Variants in RBFOX1 observed in about 807,000 individuals in gnomAD.
RBFOX1 encodes RNA binding protein fox-1 homolog 1.
In RBFOX1, 8 loss-of-function variants were observed where a neutral mutation model predicts 57.7. The observed-to-expected ratio is 0.14, with a 90% CI of 0.08 to 0.25. The LOEUF is 0.25. Ranked by LOEUF, RBFOX1 falls within the 10% of genes least tolerant of loss-of-function variation. The pLI is 1.00. For synonymous variants in RBFOX1, 326 were observed against 222.4 expected, an observed-to-expected ratio of 1.47 and a Z score of -4.15; for missense variants, 611 against 548.5, an observed-to-expected ratio of 1.11 and a Z score of -1.14.
intron 2 of RBFOX1, among the ~76,000 whole-genome samples, chr16:6,402,988 G>GT (rs1253020021): frequency 1.3e-5 from 2 of 152,108 alleles, no homozygotes; most frequent in South Asian, 2.1e-4. Context: ...TGGCTTCTCA[G>GT]TTTTTTCTGT....
rs535621017 is a variant in RBFOX1, at chr16:7,502,578, TTTTGTTTG to T, written c.28-15557_28-15550del. On this transcript the variant is annotated intron_variant, in intron 4 of 15. Coordinates refer to ENST00000550418, the MANE Select transcript of RBFOX1 (RefSeq NM_018723.4). ...ATTCATGGTAGTGAGGCATAAACTT[TTTTGTTTG>T]TTTGTTTGTTTTGTTTTTTTAATTA... Among the ~76,000 whole-genome samples, 670 of 152,242 alleles carry T rather than the reference TTTTGTTTG, an allele frequency of 4.4e-3. 6 individuals carry two copies. The highest frequency in any genetic ancestry group is 0.016 in the African/African-American group (650 of 41,526).
chr16:5,343,349 C>G lies in RBFOX1; in HGVS notation c.219+103244C>G, dbSNP rs896928663. Among the ~76,000 whole-genome samples the G allele has an allele frequency of 4.6e-4, 57 of 124,408 alleles. 1 individual carries two copies. The highest frequency in any genetic ancestry group is 2.1e-4 in the Admixed American group (2 of 9,720). The allele number at this position is 124,408 out of a possible 152,430, so 81.6% of individuals were successfully genotyped here. ...TGTTTTTTTGAGATGGAATCTTACT[C>G]CATTGCCCAGGCTGGAGTACAGTGG... On this transcript the variant is annotated intron_variant, in intron 1 of 2. Coordinates refer to the RBFOX1 transcript ENST00000585867.
chr16:7,458,399 C>G (rs1395079483), intron 4 of RBFOX1, among the ~76,000 whole-genome samples: 1 of 152,216 alleles, frequency 6.6e-6, no homozygotes, highest in African/African-American at 2.4e-5. Flanking sequence ...CTCCTCAAAT[C>G]TCTCCTTGTT....
chr16:6,650,369 C>A (rs997389494), intron 2 of RBFOX1, among the ~76,000 whole-genome samples: 2 of 152,014 alleles, frequency 1.3e-5, no homozygotes, highest in Non-Finnish European at 2.9e-5. Flanking sequence ...TGTGGACTGA[C>A]CAAACCACCT....
In RBFOX1 at chr16:6,029,359, G is replaced by A. The variant is rs1261617158; in HGVS notation, c.-127+9367G>A. ...TGCTTCGCTGGTGTCAGTTTATAAT[G>A]AGAAATAGTATAAGAAAGCCGATTA... On this transcript the variant is annotated intron_variant, in intron 1 of 15. Coordinates refer to ENST00000550418, the MANE Select transcript of RBFOX1 (RefSeq NM_018723.4). Among the ~76,000 whole-genome samples the A allele has an allele frequency of 3.9e-5, 6 of 152,304 alleles. No individual in the cohort carries two copies. The East Asian group carries it at 1.2e-3, about 29-fold the overall frequency.
At chr16:5,282,432 A>G (rs2063295648) in intron 1 of RBFOX1, among the ~76,000 whole-genome samples, 1 of 152,234 alleles carries the variant, frequency 6.6e-6, no homozygotes, top group African/African-American at 2.4e-5. Flanking sequence ...AGGTTGGAAC[A>G]GTTTGGAGGG....
intron 2 of RBFOX1, among the ~76,000 whole-genome samples, chr16:6,647,696 A>T (rs1281216765): frequency 6.6e-6 from 1 of 152,162 alleles, no homozygotes; most frequent in East Asian, 1.9e-4. Flanking sequence ...CGTGTTAAAA[A>T]TGTTGATTCT....
chr16:7,114,656 C>G (rs1218927193), intron 4 of RBFOX1, among the ~76,000 whole-genome samples: 4 of 152,302 alleles, frequency 2.6e-5, no homozygotes, highest in Non-Finnish European at 4.4e-5. Context: ...TGAGAAGTGC[C>G]TCATGCCTTC....
chr16:6,922,222 G>A (rs2074613915), intron 3 of RBFOX1, among the ~76,000 whole-genome samples: 1 of 152,130 alleles, frequency 6.6e-6, no homozygotes, highest in Non-Finnish European at 1.5e-5. Context: ...GGAGAGGTCT[G>A]AGGCATTGGC....
At chr16:7,097,226 G>A (rs2061854281) in intron 4 of RBFOX1, among the ~76,000 whole-genome samples, 1 of 152,140 alleles carries the variant, frequency 6.6e-6, no homozygotes, top group East Asian at 1.9e-4. Context: ...CTATGAGGTA[G>A]GAGGATGCTA....
chr16:6,285,504 C>G (rs1328624971), intron 1 of RBFOX1, among the ~76,000 whole-genome samples: 1 of 152,148 alleles, frequency 6.6e-6, no homozygotes, highest in African/African-American at 2.4e-5. Context: ...CCTAAAACAC[C>G]TCTTGGGTGT....
At chr16:5,803,975 C>T (rs376895258) in intron 3 of RBFOX1, among the ~76,000 whole-genome samples, 5 of 152,186 alleles carry the variant, frequency 3.3e-5, no homozygotes, top group African/African-American at 1.2e-4. Flanking sequence ...CAAACTCCTA[C>T]TTACCCTTCC....
At chr16:7,621,918 C>G (rs2059376544) in intron 10 of RBFOX1, among the ~76,000 whole-genome samples, 1 of 152,168 alleles carries the variant, frequency 6.6e-6, no homozygotes, top group African/African-American at 2.4e-5. Flanking sequence ...CAGCCATACA[C>G]AAAAATGAAT....
intron 1 of RBFOX1, among the ~76,000 whole-genome samples, chr16:6,308,299 A>G (rs888653041): frequency 2.0e-5 from 3 of 152,180 alleles, no homozygotes; most frequent in African/African-American, 7.2e-5. Context: ...TTATTTGCTT[A>G]TTCCTTATGT....
chr16:5,542,994 T>G (rs2045027013), intron 2 of RBFOX1, among the ~76,000 whole-genome samples: 1 of 152,306 alleles, frequency 6.6e-6, no homozygotes, highest in South Asian at 2.1e-4. Flanking sequence ...CCTCACAGTT[T>G]ATAAGACATT....
intron 3 of RBFOX1, among the ~76,000 whole-genome samples, chr16:5,780,089 A>C (rs1191104186): frequency 6.6e-6 from 1 of 152,066 alleles, no homozygotes; most frequent in Admixed American, 6.6e-5. Flanking sequence ...CTGAACCTCC[A>C]CCTCCCAGGT....
intron 3 of RBFOX1, among the ~76,000 whole-genome samples, chr16:6,848,714 T>C (rs1359657057): frequency 1.3e-5 from 2 of 151,938 alleles, no homozygotes; most frequent in Admixed American, 6.6e-5. Flanking sequence ...AGATAATAGA[T>C]GGATAATCTT....
chr16:6,152,932 G>C (rs2096808183), intron 1 of RBFOX1, among the ~76,000 whole-genome samples: 3 of 152,102 alleles, frequency 2.0e-5, no homozygotes, highest in South Asian at 2.1e-4. Flanking sequence ...TTAAGAGCTA[G>C]CTCAGTGCCA....
chr16:6,168,873 T>G (rs560653521), intron 1 of RBFOX1, among the ~76,000 whole-genome samples: 1 of 152,080 alleles, frequency 6.6e-6, no homozygotes, highest in South Asian at 2.1e-4. Context: ...CCAGTGACCT[T>G]GATGTTTTTC....
Sources: gnomAD v4.1 joint callset for allele counts (sites outside exome capture counted in the v4.1 genomes callset) on GRCh38, gnomAD v4.1.1 for gene constraint, MANE v1.5 for transcripts, NCBI Gene and HGNC (gene_info 2026-07-23, HGNC 2026-07-21) for gene names.